Variants in ACBD6 observed in about 807,000 individuals in gnomAD.
The protein encoded by ACBD6 is acyl-CoA-binding domain-containing protein 6.
In ACBD6, 28 loss-of-function variants were observed where a neutral mutation model predicts 37.2. The ratio of observed to expected loss-of-function variants is 0.75; its 90% CI spans 0.56 to 1.03. The LOEUF (loss-of-function observed/expected upper bound fraction) is 1.03, where lower values mean the gene tolerates loss of function less well. ACBD6 is among the 50% of genes least tolerant of loss of function. The pLI is 0.00. For missense variants in ACBD6, 340 were observed against 337.4 expected, an observed-to-expected ratio of 1.01 and a Z score of -0.06; for synonymous variants, 113 against 126.8, an observed-to-expected ratio of 0.89 and a Z score of 0.73.
intron 6 of ACBD6, among the ~76,000 whole-genome samples, chr1:180,387,735 ATTG>A (rs55835619): frequency 0.95 from 145,225 of 152,086 alleles, 69,403 homozygotes; most frequent in African/African-American, 0.99. Flanking sequence ...GTAGGGTGGT[ATTG>A]TTGTTGAAAA....
At chr1:180,310,310 T>G (rs1650536335) in intron 7 of ACBD6, among the ~76,000 whole-genome samples, 1 of 152,074 alleles carries the variant, frequency 6.6e-6, no homozygotes, top group African/African-American at 2.4e-5. Flanking sequence ...CAGTGAGCCA[T>G]GATTGCGCCA....
intron 6 of ACBD6, among the ~76,000 whole-genome samples, chr1:180,344,613 C>T (rs372411216): frequency 7.9e-5 from 12 of 152,092 alleles, no homozygotes; most frequent in East Asian, 5.8e-4. Flanking sequence ...AAACATTGAC[C>T]GAATACCCAT....
intron 3 of ACBD6, among the ~76,000 whole-genome samples, chr1:180,444,033 G>C (rs1649388664): frequency 6.6e-6 from 1 of 151,820 alleles, no homozygotes; most frequent in South Asian, 2.1e-4. Context: ...TTTGGCAAAA[G>C]GGTAAATCTC....
At chr1:180,303,033 A>C (rs1650193059) in intron 7 of ACBD6, among the ~76,000 whole-genome samples, 1 of 152,134 alleles carries the variant, frequency 6.6e-6, no homozygotes, top group Non-Finnish European at 1.5e-5. Context: ...TGAAGGCAGA[A>C]ATAAAGATGT....
At chr1:180,472,263 G>A (rs1321915586) in intron 3 of ACBD6, among the ~76,000 whole-genome samples, 2 of 152,202 alleles carry the variant, frequency 1.3e-5, no homozygotes, top group Non-Finnish European at 2.9e-5. Context: ...AAGAGTTGAT[G>A]TGTAACGTTT....
rs562929523 is a variant in ACBD6, at chr1:180,438,757, A to G, written c.385-8495T>C. 2.6e-5 allele frequency among the ~76,000 whole-genome samples: 4 copies of G among 152,250 alleles called. No individual in the cohort carries two copies. In the East Asian group the frequency reaches 7.7e-4, roughly 29 times the overall value. ...ACAGCTGATGAGCCTATATTAATAC[A>G]CTATTATTAATGAAAGTCCATAGTT... is the stretch of plus-strand genomic sequence containing the variant. On this transcript the variant is annotated intron_variant, in intron 3 of 7. Transcript: ENST00000367595.
chr1:180,422,669 A>T (rs1013618822), intron 4 of ACBD6, among the ~76,000 whole-genome samples: 1 of 152,218 alleles, frequency 6.6e-6, no homozygotes, highest in Non-Finnish European at 1.5e-5. Flanking sequence ...TACTTCCAGC[A>T]TCACTAGTGG....
In ACBD6 at chr1:180,468,865, G is replaced by C. The variant is rs145533035; in HGVS notation, c.384+23404C>G. ...ATCCTAGTTTCCACAACTACATTTT[G>C]TAGGGTTAGGGAAACTTTGACATTT... is the stretch of plus-strand genomic sequence containing the variant. On this transcript the variant is annotated intron_variant, in intron 3 of 7. Transcript: ENST00000367595. Among the ~76,000 whole-genome samples, 805 of 152,270 alleles carry C rather than the reference G, an allele frequency of 5.3e-3. 13 individuals carry two copies. The highest frequency in any genetic ancestry group is 6.2e-3 in the Non-Finnish European group (419 of 68,024).
At chr1:180,344,487 T>A (rs1652098969) in intron 6 of ACBD6, among the ~76,000 whole-genome samples, 1 of 152,144 alleles carries the variant, frequency 6.6e-6, no homozygotes, top group Non-Finnish European at 1.5e-5. Flanking sequence ...GAAAAACAGT[T>A]AAAAAATAAA....
chr1:180,493,852 T>C (rs1286976139), intron 2 of ACBD6, among the ~76,000 whole-genome samples: 2 of 152,238 alleles, frequency 1.3e-5, no homozygotes, highest in African/African-American at 4.8e-5. Context: ...AACTGTTTTA[T>C]AACATATCCC....
At chr1:180,492,590 G>A (rs948718809) in intron 2 of ACBD6, among the ~76,000 whole-genome samples, 1 of 151,676 alleles carries the variant, frequency 6.6e-6, no homozygotes, top group African/African-American at 2.4e-5. Flanking sequence ...TTTCCTAATC[G>A]TCCTCCCCGT....
At chr1:180,336,959 G>A (rs1651746702) in intron 6 of ACBD6, among the ~76,000 whole-genome samples, 1 of 152,156 alleles carries the variant, frequency 6.6e-6, no homozygotes, top group South Asian at 2.1e-4. Context: ...AAACCAGGAA[G>A]AAGTTGAATC....
At chr1:180,435,112 G>A in intron 3 of ACBD6, 1 of 748,412 alleles carries the variant, frequency 1.3e-6, no homozygotes, top group South Asian at 1.4e-5. Flanking sequence ...CCTAACACTG[G>A]GGAAAAAAAA....
chr1:180,355,260 T>G (rs1444785544), intron 6 of ACBD6, among the ~76,000 whole-genome samples: 1 of 152,198 alleles, frequency 6.6e-6, no homozygotes, highest in Non-Finnish European at 1.5e-5. Context: ...GAGTCAGAAC[T>G]TAGAAGGTCT....
At chr1:180,390,992 T>C (rs993783851) in intron 6 of ACBD6, among the ~76,000 whole-genome samples, 3 of 152,144 alleles carry the variant, frequency 2.0e-5, no homozygotes, top group African/African-American at 7.2e-5. Flanking sequence ...TACTGATCAA[T>C]GGAATAAAAT....
chr1:180,490,350 T>G (rs372665023), intron 3 of ACBD6, among the ~76,000 whole-genome samples: 1 of 152,118 alleles, frequency 6.6e-6, no homozygotes, highest in Non-Finnish European at 1.5e-5. Context: ...TGAAGACTCA[T>G]GCACATCAGA....
chr1:180,344,475 T>A (rs115557360), intron 6 of ACBD6, among the ~76,000 whole-genome samples: 1 of 152,214 alleles, frequency 6.6e-6, no homozygotes, highest in Non-Finnish European at 1.5e-5. Flanking sequence ...AAGTATTTTG[T>A]AGAAAAACAG....
intron 3 of ACBD6, among the ~76,000 whole-genome samples, chr1:180,453,689 T>A (rs1247210171): frequency 6.6e-6 from 1 of 152,210 alleles, no homozygotes; most frequent in Non-Finnish European, 1.5e-5. Flanking sequence ...GATAAGCAAC[T>A]TCAGCAAAGT....
intron 3 of ACBD6, among the ~76,000 whole-genome samples, chr1:180,444,426 A>G (rs776239052): frequency 3.3e-5 from 5 of 151,544 alleles, no homozygotes; most frequent in African/African-American, 7.3e-5. Flanking sequence ...ACAAATACAC[A>G]TGTTAGAATA....
Sources: allele counts gnomAD v4.1 joint callset (sites outside exome capture counted in the v4.1 genomes callset), GRCh38; gene constraint gnomAD v4.1.1; transcripts MANE v1.5; gene names NCBI Gene and HGNC (gene_info 2026-07-23, HGNC 2026-07-21).